GMDS: variants seen among roughly 807,000 people sequenced by gnomAD.
GMDS encodes the protein GDP-mannose 4,6 dehydratase.
In GMDS, 20 loss-of-function variants were observed where a neutral mutation model predicts 49.9. The observed-to-expected ratio is 0.40, with a 90% CI of 0.28 to 0.58. GMDS has a LOEUF of 0.58. GMDS is among the 20% of genes least tolerant of loss of function. The pLI is 0.42. For synonymous variants in GMDS, 177 were observed against 178.6 expected (o/e 0.99, Z 0.07); for missense variants, 362 against 481.4 (o/e 0.75, Z 2.32).
chr6:1,700,213 A>G (rs908484656), intron 9 of GMDS, among the ~76,000 whole-genome samples: 1 of 152,212 alleles, frequency 6.6e-6, no homozygotes, highest in African/African-American at 2.4e-5. Context: ...TTATCTGTAT[A>G]TGAGAATTTT....
chr6:2,210,805 T>C (rs956671250), intron 1 of GMDS, among the ~76,000 whole-genome samples: 2 of 152,210 alleles, frequency 1.3e-5, no homozygotes, highest in Non-Finnish European at 2.9e-5. Context: ...CTAACATGGT[T>C]TGGCTCTGTG....
At chr6:1,908,008 A>G (rs761097488) in intron 7 of GMDS, among the ~76,000 whole-genome samples, 21 of 152,350 alleles carry the variant, frequency 1.4e-4, no homozygotes, top group Non-Finnish European at 3.1e-4. Context: ...TAGAACAATG[A>G]TAACAATATG....
At chr6:2,160,129 T>C (rs1212149636) in intron 1 of GMDS, among the ~76,000 whole-genome samples, 4 of 152,068 alleles carry the variant, frequency 2.6e-5, no homozygotes, top group Non-Finnish European at 5.9e-5. Flanking sequence ...CATAAACTTC[T>C]CCCCCATTAA....
chr6:2,060,726 G>A (rs1429184382), intron 4 of GMDS, among the ~76,000 whole-genome samples: 2 of 152,142 alleles, frequency 1.3e-5, no homozygotes, highest in African/African-American at 4.8e-5. Context: ...GTCACTGAGA[G>A]GTGACCAAAA....
intron 4 of GMDS, among the ~76,000 whole-genome samples, chr6:1,979,178 C>A (rs1765084480): frequency 6.6e-6 from 1 of 152,146 alleles, no homozygotes. Flanking sequence ...AGCAAGGGCT[C>A]AGAACTGGGT....
In GMDS at chr6:1,891,979, G is replaced by A. The variant is rs544646489; in HGVS notation, c.771+38124C>T. ...GTAGTTACGCCATATAAATTGTTAG[G>A]ATCCATGCTTAACTTCTGAAGGTAG... On this transcript the variant is annotated intron_variant, in intron 7 of 10. Coordinates refer to ENST00000380815, the MANE Select transcript of GMDS (RefSeq NM_001500.4). 3.3e-4 allele frequency among the ~76,000 whole-genome samples: 50 copies of A among 152,222 alleles called. No homozygotes were observed. In the South Asian group the frequency reaches 6.9e-3, roughly 21 times the overall value.
chr6:1,825,130 C>G (rs956865071), intron 7 of GMDS, among the ~76,000 whole-genome samples: 1 of 152,190 alleles, frequency 6.6e-6, no homozygotes, highest in Admixed American at 6.5e-5. Context: ...GAAAGTCAGT[C>G]ACCATTTCAG....
intron 4 of GMDS, among the ~76,000 whole-genome samples, chr6:2,046,202 G>A (rs551180555): frequency 1.3e-5 from 2 of 152,250 alleles, no homozygotes; most frequent in African/African-American, 4.8e-5. Context: ...AACAGAGCAA[G>A]AGCCTGTCTC....
At chr6:2,114,671 G>A (rs914425931) in intron 4 of GMDS, among the ~76,000 whole-genome samples, 10 of 152,286 alleles carry the variant, frequency 6.6e-5, no homozygotes, top group South Asian at 4.1e-4. Context: ...ATCATTCATC[G>A]ATATGTAGCC....
chr6:2,165,726 A>G (rs975778303), intron 1 of GMDS, among the ~76,000 whole-genome samples: 2 of 152,258 alleles, frequency 1.3e-5, no homozygotes, highest in African/African-American at 4.8e-5. Context: ...CATATAGCAT[A>G]TATTAGACAA....
intron 9 of GMDS, among the ~76,000 whole-genome samples, chr6:1,657,739 C>A (rs948656185): frequency 5.3e-5 from 8 of 151,692 alleles, no homozygotes; most frequent in African/African-American, 1.9e-4. Flanking sequence ...AGGTGCCCCG[C>A]ACTCACCAAT....
chr6:1,723,011 G>A (rs1304078568), intron 9 of GMDS, among the ~76,000 whole-genome samples: 1 of 152,188 alleles, frequency 6.6e-6, no homozygotes. Flanking sequence ...TTAATTGGAT[G>A]CTGGAGTCCT....
chr6:2,013,000 A>C (rs908431901), intron 4 of GMDS, among the ~76,000 whole-genome samples: 1 of 152,088 alleles, frequency 6.6e-6, no homozygotes, highest in Non-Finnish European at 1.5e-5. Flanking sequence ...CAGACACTCA[A>C]CTCTGGCCGC....
intron 9 of GMDS, among the ~76,000 whole-genome samples, chr6:1,715,174 A>G (rs1008721853): frequency 2.6e-5 from 4 of 152,262 alleles, no homozygotes; most frequent in Admixed American, 1.3e-4. Flanking sequence ...TAGAAACGAA[A>G]TATGACCTTT....
chr6:2,233,473 A>G (rs1231471118), intron 1 of GMDS, among the ~76,000 whole-genome samples: 1 of 152,234 alleles, frequency 6.6e-6, no homozygotes, highest in Non-Finnish European at 1.5e-5. Flanking sequence ...TCTATGTGGA[A>G]GCAGCCAGAA....
chr6:1,642,955 T>C (rs1000471937), intron 9 of GMDS, among the ~76,000 whole-genome samples: 2 of 152,136 alleles, frequency 1.3e-5, no homozygotes, highest in African/African-American at 4.8e-5. Context: ...AGAGAATCTT[T>C]GGGGGCTTTT....
At chr6:1,652,939 T>A (rs553946593) in intron 9 of GMDS, among the ~76,000 whole-genome samples, 2 of 148,864 alleles carry the variant, frequency 1.3e-5, no homozygotes, top group African/African-American at 5.0e-5. Flanking sequence ...TGTCTGTGTA[T>A]GTCCCTCTCG....
chr6:2,135,595 A>ACATCATCATCAT (rs61342699), intron 1 of GMDS, among the ~76,000 whole-genome samples: 94 of 149,422 alleles, frequency 6.3e-4, no homozygotes, highest in African/African-American at 2.3e-3. Context: ...CACATCTACC[A>ACATCATCATCAT]CATCATCATC....
At chr6:2,065,197 C>T (rs1391324371) in intron 4 of GMDS, among the ~76,000 whole-genome samples, 2 of 152,156 alleles carry the variant, frequency 1.3e-5, no homozygotes, top group South Asian at 2.1e-4. Context: ...CTCCAACAGA[C>T]CTGCAGCTGA....
Sources: allele counts gnomAD v4.1 joint callset (sites outside exome capture counted in the v4.1 genomes callset), GRCh38; gene constraint gnomAD v4.1.1; transcripts MANE v1.5; gene names NCBI Gene and HGNC (gene_info 2026-07-23, HGNC 2026-07-21).